Variants in FLYWCH1 observed in about 807,000 individuals in gnomAD.
FLYWCH1 encodes the protein FLYWCH-type zinc finger 1.
In FLYWCH1, 75 loss-of-function variants were observed where a neutral mutation model predicts 66.4. The ratio of observed to expected loss-of-function variants is 1.13; its 90% CI spans 0.94 to 1.37. The LOEUF is 1.37. FLYWCH1 is among the 40% of genes most tolerant of loss of function. FLYWCH1 has a pLI of 0.00. For synonymous variants in FLYWCH1, 595 were observed against 429.9 expected, an observed-to-expected ratio of 1.38 and a Z score of -4.75; for missense variants, 1,334 against 1,001.8, an observed-to-expected ratio of 1.33 and a Z score of -4.48.
intron 9 of FLYWCH1, among the ~76,000 whole-genome samples, chr16:2,946,316 C>CTTTTTTTT (rs58279573): frequency 1.5e-4 from 11 of 75,546 alleles, no homozygotes; most frequent in Admixed American, 3.7e-4. Flanking sequence ...GTGGGCTGTA[C>CTTTTTTTT]TTTTTTTTTT....
At chr16:2,918,048 G>A (rs905808724) in intron 2 of FLYWCH1, among the ~76,000 whole-genome samples, 10 of 151,340 alleles carry the variant, frequency 6.6e-5, no homozygotes, top group South Asian at 4.2e-4. Context: ...CATGTTGGCC[G>A]GGCTTGTCTT....
intron 9 of FLYWCH1, among the ~76,000 whole-genome samples, chr16:2,947,633 G>A (rs8046146): frequency 0.52 from 79,001 of 151,560 alleles, 21,102 homozygotes; most frequent in African/African-American, 0.63. Context: ...GTGGTGGCAC[G>A]CACCTATAAT....
At chr16:2,931,289 C>A (rs547913964) in intron 4 of FLYWCH1, among the ~76,000 whole-genome samples, 1 of 119,960 alleles carries the variant, frequency 8.3e-6, no homozygotes, top group East Asian at 2.4e-4. Context: ...GTGACTGGAG[C>A]GAGACTCCAT....
At chr16:2,946,089 A>T (rs1170340549) in intron 9 of FLYWCH1, among the ~76,000 whole-genome samples, 1 of 152,172 alleles carries the variant, frequency 6.6e-6, no homozygotes, top group Non-Finnish European at 1.5e-5. Flanking sequence ...AACTGAGTGT[A>T]ATTAAAAAAA....
chr16:2,930,951 T>TTTCTATTTGGGCTG, intron 4 of FLYWCH1, 71 bp downstream of exon 4: 1 of 1,198,448 alleles, frequency 8.3e-7, no homozygotes, highest in Non-Finnish European at 1.1e-6. Context: ...TCAGCCCAAA[T>TTTCTATTTGGGCTG]AGAAATGTGG....
intron 6 of FLYWCH1, chr16:2,936,474 A>C: frequency 2.4e-6 from 1 of 424,988 alleles, no homozygotes; most frequent in Non-Finnish European, 4.7e-6. Context: ...CCTCTCCTCT[A>C]GGGCTTGCTA....
Position 2,929,747 on chromosome 16 carries a change from C to A in FLYWCH1, c.62C>A (p.Ser21Tyr). 5 of 1,613,788 alleles carry A rather than the reference C, an allele frequency of 3.1e-6. No homozygotes were observed. The highest frequency in any genetic ancestry group is 4.2e-6 in the Non-Finnish European group (5 of 1,179,858). ...AGTGTGAAGGCCGGCCAGGAGCCAT[C>A]CCCCAAGCCAGGCACGGACGTCATC... ...GESVKAGQEP[S>Y]PKPGTDVIPA... Residue 21 changes from serine to tyrosine, a missense_variant, in exon 3 of 10, where the codon TCC (serine) becomes TAC (tyrosine). Physicochemically the swap from Ser to Tyr is moderately radical, Grantham distance 144. Coordinates refer to ENST00000253928, the MANE Select transcript of FLYWCH1 (RefSeq NM_001308068.2).
At chr16:2,934,630 T>A (rs979817032) in intron 6 of FLYWCH1, 1 of 456,940 alleles carries the variant, frequency 2.2e-6, no homozygotes, top group African/African-American at 2.0e-5. Flanking sequence ...GGCCTCTCTT[T>A]CCAGTGGCTC....
intron 2 of FLYWCH1, among the ~76,000 whole-genome samples, chr16:2,916,182 A>G (rs891033055): frequency 6.6e-6 from 1 of 152,138 alleles, no homozygotes; most frequent in Non-Finnish European, 1.5e-5. Flanking sequence ...CCTCATCTCT[A>G]CTAAAAACAA....
At chr16:2,921,397 C>T (rs960038434) in intron 2 of FLYWCH1, among the ~76,000 whole-genome samples, 7 of 151,470 alleles carry the variant, frequency 4.6e-5, no homozygotes, top group African/African-American at 1.7e-4. Flanking sequence ...TGGTTGCTCC[C>T]TTTCTCTGGA....
At chr16:2,939,841 A>G (rs1374849925) in intron 8 of FLYWCH1, 191 bp from the exon 9 acceptor site, 2 of 554,684 alleles carry the variant, frequency 3.6e-6, no homozygotes, top group Admixed American at 3.6e-5. Context: ...CTGAAGGTCA[A>G]CTCTTAGGAG....
intron 9 of FLYWCH1, among the ~76,000 whole-genome samples, chr16:2,944,487 T>A (rs1165224206): frequency 6.6e-6 from 1 of 152,158 alleles, no homozygotes; most frequent in African/African-American, 2.4e-5. Flanking sequence ...TTACTATACT[T>A]TTTATCATTA....
In FLYWCH1 at chr16:2,937,323, C is replaced by T. The variant is rs373551465; in HGVS notation, c.1716C>T (p.Gly572=). The T allele has an allele frequency of 2.7e-4, 428 of 1,601,468 alleles. No homozygotes were observed. The highest frequency in any genetic ancestry group is 9.8e-4 in the African/African-American group (73 of 74,628). Residue 572 remains glycine, a synonymous_variant, in exon 7 of 10, where the codon GGC becomes GGT. Transcript: ENST00000253928. ...GGCACTGCCACCCACCGGACCTGGG[C>T]GGCCTGGAGGCCCTGCGGCAGCGGG... The part of the protein sequence containing the change: ...MRRHCHPPDL[G]GLEALRQREH...
Position 2,933,959 on chromosome 16 carries a change from C to G in FLYWCH1, c.1493C>G (p.Thr498Arg), listed in dbSNP as rs578005656. 2 of 1,547,682 alleles carry G rather than the reference C, an allele frequency of 1.3e-6. No individual in the cohort carries two copies. The highest frequency in any genetic ancestry group is 2.4e-5 in the South Asian group (2 of 84,316). ...ALRQREKRPN[T>R]AQRGSPGGPE... is the part of the protein sequence containing the mutation. ...AGGCAGCGGGAGAAACGCCCCAACA[C>G]GGCGCAGCGGGGGAGCCCAGGTACC... The change falls in exon 6 of 10, where the codon ACG becomes AGG. Residue 498 changes from threonine (T) to arginine (R), a missense_variant. Coordinates refer to ENST00000253928, the MANE Select transcript of FLYWCH1 (RefSeq NM_001308068.2).
chr16:2,922,932 C>T (rs1343188566), intron 2 of FLYWCH1: 23 of 523,686 alleles, frequency 4.4e-5, no homozygotes, highest in South Asian at 9.7e-5. Context: ...CTCCTGGGGG[C>T]GCTCTTCCGA....
At chr16:2,934,601 C>A (rs1228030717) in intron 6 of FLYWCH1, 2 of 456,236 alleles carry the variant, frequency 4.4e-6, no homozygotes, top group South Asian at 3.1e-5. Context: ...CCTGCTCTTC[C>A]TTCACGCCCC....
intron 8 of FLYWCH1, among the ~76,000 whole-genome samples, chr16:2,939,325 A>G (rs993634152): frequency 6.6e-6 from 1 of 152,056 alleles, no homozygotes; most frequent in Admixed American, 6.6e-5. Context: ...CATGCCTGTA[A>G]TCCCAGCTAC....
intron 8 of FLYWCH1, 190 bp from the exon 9 acceptor site, chr16:2,939,842 C>T: frequency 1.8e-6 from 1 of 558,718 alleles, no homozygotes; most frequent in Non-Finnish European, 3.1e-6. Context: ...TGAAGGTCAA[C>T]TCTTAGGAGC....
At chr16:2,919,733 C>G (rs964358936) in intron 2 of FLYWCH1, among the ~76,000 whole-genome samples, 5 of 152,128 alleles carry the variant, frequency 3.3e-5, no homozygotes, top group Non-Finnish European at 7.3e-5. Context: ...TTTTGGAAAT[C>G]CTCTTGAATT....
Sources: gnomAD v4.1 joint callset for allele counts (sites outside exome capture counted in the v4.1 genomes callset) on GRCh38, gnomAD v4.1.1 for gene constraint, MANE v1.5 for transcripts, NCBI Gene and HGNC (gene_info 2026-07-23, HGNC 2026-07-21) for gene names.